Variants in EDARADD observed in about 807,000 individuals in gnomAD.
EDARADD encodes EDAR associated via death domain.
In EDARADD, 20 loss-of-function variants were observed where a neutral mutation model predicts 25.6. The observed-to-expected ratio is 0.78, with a 90% confidence interval of 0.55 to 1.14. EDARADD has a LOEUF of 1.14. Ranked by LOEUF, EDARADD falls within the 50% of genes most tolerant of loss-of-function variation. EDARADD has a pLI of 0.00. For synonymous variants in EDARADD, 86 were observed against 94.4 expected (o/e 0.91, Z 0.52); for missense variants, 225 against 270.1 (o/e 0.83, Z 1.17).
chr1:236,410,553 G>T lies in EDARADD; in HGVS notation c.120+1279G>T, dbSNP rs567297250. Among the ~76,000 whole-genome samples the T allele has an allele frequency of 9.9e-5, 15 of 152,134 alleles. No homozygotes were observed. In the South Asian group the frequency reaches 2.7e-3, roughly 27 times the overall value. ...AAAGGACAGTTAATGGAAGTGTGCC[G>T]CCACCTAGACCGGAGCCCTGTGCTC... On this transcript the variant is annotated intron_variant, in intron 2 of 5. Transcript: ENST00000334232.
intron 3 of EDARADD, among the ~76,000 whole-genome samples, chr1:236,385,557 C>T (rs1667343508): frequency 6.6e-6 from 1 of 151,728 alleles, no homozygotes; most frequent in Non-Finnish European, 1.5e-5. Flanking sequence ...AACCCCGTCT[C>T]TACTAAAAAT....
At chr1:236,365,031 A>G (rs1667095360) in intron 3 of EDARADD, among the ~76,000 whole-genome samples, 2 of 152,100 alleles carry the variant, frequency 1.3e-5, no homozygotes, top group Admixed American at 6.6e-5. Flanking sequence ...TGGATTTTCT[A>G]TATCGGTTTG....
At chr1:236,457,599 C>A (rs909562271) in intron 4 of EDARADD, among the ~76,000 whole-genome samples, 2 of 151,788 alleles carry the variant, frequency 1.3e-5, no homozygotes, top group African/African-American at 4.8e-5. Flanking sequence ...GGGGGGCGGA[C>A]GAAGAGGTCA....
At chr1:236,454,727 C>A (rs1469588539) in intron 4 of EDARADD, among the ~76,000 whole-genome samples, 2 of 152,192 alleles carry the variant, frequency 1.3e-5, no homozygotes, top group Non-Finnish European at 2.9e-5. Context: ...TGGCCCAGCA[C>A]CCCCGCCAGA....
At chr1:236,414,731 G>A (rs990213331) in intron 3 of EDARADD, among the ~76,000 whole-genome samples, 1 of 152,078 alleles carries the variant, frequency 6.6e-6, no homozygotes, top group Non-Finnish European at 1.5e-5. Flanking sequence ...GTATGGTGTG[G>A]GCGTGGTGGC....
At chr1:236,404,094 C>G (rs1667664723) in intron 1 of EDARADD, among the ~76,000 whole-genome samples, 1 of 152,212 alleles carries the variant, frequency 6.6e-6, no homozygotes, top group East Asian at 1.9e-4. Flanking sequence ...CTGGCCTTGT[C>G]TCCGATGGGC....
At chr1:236,391,420 TG>T (rs1244377964), upstream of EDARADD, among the ~76,000 whole-genome samples, 1 of 152,180 alleles carries the variant, frequency 6.6e-6, no homozygotes, top group Middle Eastern at 3.2e-3. Flanking sequence ...TAGTAACTCT[TG>T]TTGGGGCATC....
chr1:236,411,975 T>G (rs1657499355), intron 2 of EDARADD, among the ~76,000 whole-genome samples: 2 of 152,210 alleles, frequency 1.3e-5, no homozygotes, highest in South Asian at 4.1e-4. Context: ...AACTGGGGGT[T>G]AGGACTTCAA....
chr1:236,427,250 T>C, intron 3 of EDARADD, 142 bp from the exon 4 acceptor site: 1 of 741,604 alleles, frequency 1.3e-6, no homozygotes, highest in Non-Finnish European at 2.2e-6. Flanking sequence ...TGGAGAGGAA[T>C]TTGTAGTCCA....
intron 4 of EDARADD, among the ~76,000 whole-genome samples, chr1:236,453,278 C>CTTTTTTTTT (rs71672500): frequency 7.5e-6 from 1 of 133,882 alleles, no homozygotes; most frequent in Non-Finnish European, 1.6e-5. Context: ...TTCTTTTTTT[C>CTTTTTTTTT]TTTTTTTTTT....
At chr1:236,423,911 G>A (rs888486630) in intron 3 of EDARADD, among the ~76,000 whole-genome samples, 1 of 152,010 alleles carries the variant, frequency 6.6e-6, no homozygotes, top group Non-Finnish European at 1.5e-5. Flanking sequence ...CTCAAAACCA[G>A]CTGGGACAAC....
chr1:236,424,097 C>T (rs1179885924), intron 3 of EDARADD, among the ~76,000 whole-genome samples: 1 of 151,026 alleles, frequency 6.6e-6, no homozygotes, highest in African/African-American at 2.4e-5. Flanking sequence ...CAGAACAAGA[C>T]TCCGTCTCAA....
chr1:236,473,409 G>A (rs680193), intron 5 of EDARADD, among the ~76,000 whole-genome samples: 29,351 of 152,150 alleles, frequency 0.19, 2,947 homozygotes, highest in South Asian at 0.26. Context: ...GTTCTAGGAC[G>A]GGCGTGGGCA....
rs748029668 is a variant in EDARADD, at chr1:236,484,498, C to T, written c.*1849C>T. 26 of 1,579,774 alleles carry T rather than the reference C, an allele frequency of 1.6e-5. No homozygotes were observed. The highest frequency in any genetic ancestry group is 2.3e-5 in the Non-Finnish European group (26 of 1,154,116). On this transcript the variant is annotated 3_prime_UTR_variant, in exon 6 of 6. Coordinates refer to ENST00000334232, the MANE Select transcript of EDARADD (RefSeq NM_145861.4). The surrounding 1 kb of genome is among the most constrained non-coding windows in gnomAD (Gnocchi z 4.1). ...GTGGGCAGGCAAGCCCTTCAGTCAC[C>T]TGGTGGCTAATTAGACCCCTCCCCT...
intron 4 of EDARADD, among the ~76,000 whole-genome samples, chr1:236,449,829 G>A (rs527271589): frequency 3.4e-4 from 52 of 152,260 alleles, no homozygotes; most frequent in Non-Finnish European, 1.3e-4. Context: ...GGCTGGGCGC[G>A]GTGGCTCACG....
Position 236,395,715 on chromosome 1 carries a change from C to T in EDARADD, c.61+1210C>T. ...TGGAGCGAGCACCGCGGGGCGGGAGCTCGGGAGGCGCTCGCAGCAGCCGCA... is the reference window on the plus strand; with the variant it reads ...TGGAGCGAGCACCGCGGGGCGGGAGTTCGGGAGGCGCTCGCAGCAGCCGCA... On this transcript the variant is annotated intron_variant, in intron 1 of 5. Coordinates refer to ENST00000334232, the MANE Select transcript of EDARADD (RefSeq NM_145861.4). This position sits in a 1 kb window ranked among gnomAD's most constrained non-coding sequence, Gnocchi z 6.9. The T allele has an allele frequency of 2.0e-6, 3 of 1,526,514 alleles. No individual in the cohort carries two copies. 94.6% of individuals were successfully genotyped at this position (1,526,514 alleles called of 1,614,324 possible). A position where few individuals can be genotyped will look rare whatever the true frequency, so the allele number is the denominator to read the frequency against.
chr1:236,461,944 G>C (rs1659049336), intron 4 of EDARADD, among the ~76,000 whole-genome samples: 1 of 152,166 alleles, frequency 6.6e-6, no homozygotes, highest in Non-Finnish European at 1.5e-5. Context: ...CAGAGAACAA[G>C]GTTTCAACGT....
rs1389060396 is a variant in EDARADD at position 236,360,547 on chromosome 1, T to A, written c.-6+9708T>A. ...GGATTTTAATTCACGGTTTTTTTTT[T>A]TTTTTTTTTTTTTTTTGAGACAGAG... is the stretch of plus-strand genomic sequence containing the variant. On this transcript the variant is annotated intron_variant, in intron 3 of 7. Coordinates refer to the EDARADD transcript ENST00000439430. Among the ~76,000 whole-genome samples, 22 of 140,838 alleles carry A rather than the reference T, an allele frequency of 1.6e-4. No individual in the cohort carries two copies. In the East Asian group the frequency reaches 3.6e-3, roughly 23 times the overall value. The allele number at this position is 140,838 out of a possible 152,430, so 92.4% of individuals were successfully genotyped here. A position where few individuals can be genotyped will look rare whatever the true frequency, so the allele number is the denominator to read the frequency against.
At chr1:236,376,287 G>C (rs1353030700) in intron 3 of EDARADD, among the ~76,000 whole-genome samples, 1 of 152,088 alleles carries the variant, frequency 6.6e-6, no homozygotes, top group Non-Finnish European at 1.5e-5. Flanking sequence ...CTGAGTTTCT[G>C]ACCTATGTCA....
Sources: allele counts gnomAD v4.1 joint callset (sites outside exome capture counted in the v4.1 genomes callset), GRCh38; gene constraint gnomAD v4.1.1; non-coding constraint Gnocchi (gnomAD v3.1); transcripts MANE v1.5; gene names NCBI Gene and HGNC (gene_info 2026-07-23, HGNC 2026-07-21).